Variants in MELTF observed in about 807,000 individuals in gnomAD.
MELTF encodes the protein antigen p97 (melanoma associated) identified by monoclonal antibodies 133.2 and 96.5.
Under a neutral mutation model 83.7 loss-of-function variants are expected in MELTF, and 67 were observed. The observed-to-expected ratio is 0.80, with a 90% confidence interval of 0.66 to 0.98. MELTF has a LOEUF of 0.98. MELTF is among the 50% of genes least tolerant of loss of function. The probability of loss-of-function intolerance (pLI) is 0.00; values close to 1 mark genes in which losing one functional copy is unlikely to be tolerated. For synonymous variants in MELTF, 462 were observed against 447.6 expected (o/e 1.03, Z -0.41); for missense variants, 1,002 against 1,035.6 (o/e 0.97, Z 0.44).
intron 6 of MELTF, among the ~76,000 whole-genome samples, chr3:197,017,747 G>C (rs1034951835): frequency 2.0e-4 from 31 of 152,152 alleles, no homozygotes; most frequent in East Asian, 7.8e-4. Flanking sequence ...CGTGGTGGCG[G>C]GCGCCTGTAA....
Position 197,022,225 on chromosome 3 carries a change from A to G in MELTF, c.644+732T>C, listed in dbSNP as rs1332307469. Among the ~76,000 whole-genome samples the G allele has an allele frequency of 1.3e-5, 2 of 152,132 alleles. No homozygotes were observed. Among genetic ancestry groups the G allele is most frequent in the Non-Finnish European group, 2.9e-5 (2 of 68,022 alleles). On this transcript the variant is annotated intron_variant, in intron 5 of 15. Transcript: ENST00000296350. The surrounding 1 kb of genome is among the most constrained non-coding windows in gnomAD (Gnocchi z 5.1). ...CCCCACGGGCAGAAAATGCACAGGG[A>G]TTAGAGCAGATCGGGGCGGGCGACA...
rs925277932 is a variant in MELTF at position 197,023,321 on chromosome 3, G to A, written c.488-208C>T. On this transcript the variant is annotated intron_variant, in intron 4 of 15. Transcript: ENST00000296350. The stretch of plus-strand genomic sequence containing the variant: ...CAAGGCAGCAGACAGCACTGGGAGC[G>A]ACTGTCATTTAAAAATGGTTCGGGG... Among the ~76,000 whole-genome samples the A allele has an allele frequency of 3.3e-5, 5 of 152,322 alleles. No homozygotes were observed. The East Asian group carries it at 5.8e-4, about 18-fold the overall frequency.
chr3:197,006,557 T>C lies in MELTF; in HGVS notation c.1930A>G (p.Lys644Glu). The change falls in exon 14 of 16, where the codon AAG becomes GAG. Residue 644 changes from lysine to glutamate, a missense_variant. By Grantham distance (56) the Lys-to-Glu change is moderately conservative. Transcript: ENST00000296350. This position sits in a 1 kb window ranked among gnomAD's most constrained non-coding sequence, Gnocchi z 5.4. ...NIFTVYGLLD[K>E]AQDLFGDDHN... The stretch of plus-strand genomic sequence containing the variant: ...GCCCCACCCTGGCTCACCTGGGCCT[T>C]GTCCAGCAGTCCATACACGGTGAAG... The C allele has an allele frequency of 6.2e-7, 1 of 1,612,718 alleles. No homozygotes were observed. The highest frequency in any genetic ancestry group is 8.5e-7 in the Non-Finnish European group (1 of 1,179,338).
At chr3:197,010,835 A>G in intron 9 of MELTF, 41 bp from the exon 10 acceptor site, 1 of 1,588,086 alleles carries the variant, frequency 6.3e-7, no homozygotes, top group Non-Finnish European at 8.6e-7. Flanking sequence ...GGGTGGGCCC[A>G]GGATGGCTCT....
At position 197,021,454 on chromosome 3, in the gene MELTF, G is replaced by C. The variant is rs751363458; in HGVS notation, c.662C>G (p.Ala221Gly). ...SGAFRCLAEGAGDVAFVKHST... is the reference protein window; with the variant it reads ...SGAFRCLAEGGGDVAFVKHST... Reference sequence around the variant, plus strand: ...GTGCTTCACAAAAGCCACGTCCCCTGCCCCTTCCGCCAGGCACCTGCGGAG... The same window carrying C: ...GTGCTTCACAAAAGCCACGTCCCCTCCCCCTTCCGCCAGGCACCTGCGGAG... Residue 221 changes from alanine to glycine, a missense_variant, in exon 6 of 16, where the codon GCA becomes GGA. Ala to Gly is a moderately conservative substitution (Grantham distance 60). Transcript: ENST00000296350. The C allele has an allele frequency of 1.2e-6, 2 of 1,613,958 alleles. No homozygotes were observed. Among genetic ancestry groups the C allele is most frequent in the South Asian group, 2.2e-5 (2 of 91,078 alleles).
At chr3:197,017,635 T>C (rs1290238734) in intron 6 of MELTF, among the ~76,000 whole-genome samples, 1 of 151,940 alleles carries the variant, frequency 6.6e-6, no homozygotes, top group Admixed American at 6.5e-5. Context: ...CCCAGCACTT[T>C]GGGAGGCCGA....
chr3:197,004,474 T>C (rs1718905857), intron 14 of MELTF: 2 of 300,926 alleles, frequency 6.6e-6, no homozygotes, highest in African/African-American at 4.4e-5. Context: ...TCCATAAGGC[T>C]TTCTCACTCT....
Position 197,024,460 on chromosome 3 carries a change from C to T in MELTF, c.330G>A (p.Val110=), listed in dbSNP as rs1352462294. ...CATGGGAGCTCCTCCTGACCACAGC[C>T]ACGGCGTAATAGGAGGTACCGACCT... The part of the protein sequence containing the change: ...DQEVGTSYYA[V]AVVRRSSHVT... The change falls in exon 4 of 16, where the codon GTG becomes GTA. Residue 110 remains valine, a synonymous_variant. Transcript: ENST00000296350. The surrounding 1 kb of genome is among the most constrained non-coding windows in gnomAD (Gnocchi z 5.3). 6.3e-7 allele frequency: 1 copy of T among 1,599,170 alleles called. No individual in the cohort carries two copies.
Position 197,003,895 on chromosome 3 carries a change from T to G in MELTF, c.2137+6A>C. ...CAGGGGAGGCGGCAGGGCGGGCCTG[T>G]CCTACCTGCGCCCGAGCACTGCTGA... On this transcript the variant is annotated splice_donor_region_variant and intron_variant, in intron 15 of 15. Transcript: ENST00000296350. The surrounding 1 kb of genome is among the most constrained non-coding windows in gnomAD (Gnocchi z 6.2). 2 of 1,612,714 alleles carry G rather than the reference T, an allele frequency of 1.2e-6. No individual in the cohort carries two copies. Among genetic ancestry groups the G allele is most frequent in the Non-Finnish European group, 1.7e-6 (2 of 1,179,680 alleles).
At position 197,003,804 on chromosome 3, in the gene MELTF, G is replaced by C. The variant is rs1718871073; in HGVS notation, c.2137+97C>G. ...GACTGCTGCGAACGGGCCTCCACCC[G>C]CCTCCCCGGACCCGCAGCGCCCCCC... On this transcript the variant is annotated intron_variant, in intron 15 of 15. Transcript: ENST00000296350. The surrounding 1 kb of genome is among the most constrained non-coding windows in gnomAD (Gnocchi z 6.2). The C allele has an allele frequency of 2.6e-6, 3 of 1,150,448 alleles. No individual in the cohort carries two copies. Among genetic ancestry groups the C allele is most frequent in the Non-Finnish European group, 3.5e-6 (3 of 857,158 alleles). The allele number at this position is 1,150,448 out of a possible 1,614,324, so 71.3% of individuals were successfully genotyped here.
chr3:197,022,967 C>CGCTGTAGT lies in MELTF; in HGVS notation c.626_633dup (p.Gly212ThrfsTer19). The stretch of plus-strand genomic sequence containing the variant: ...CCCCACTCCGCTCACCGGAAGGCCC[C>CGCTGTAGT]GCTGTAGTCGTAGTATCTCTCCAGG... On this transcript the variant is annotated frameshift_variant, in exon 5 of 16. Coordinates refer to ENST00000296350, the MANE Select transcript of MELTF (RefSeq NM_005929.6). LOFTEE classifies it high-confidence loss of function. This position sits in a 1 kb window ranked among gnomAD's most constrained non-coding sequence, Gnocchi z 5.1. The CGCTGTAGT allele has an allele frequency of 6.2e-7, 1 of 1,609,532 alleles. No individual in the cohort carries two copies. The highest frequency in any genetic ancestry group is 8.5e-7 in the Non-Finnish European group (1 of 1,178,638).
chr3:197,003,556 G>A lies in MELTF; in HGVS notation c.2138-105C>T, dbSNP rs987812227. The A allele has an allele frequency of 1.4e-5, 11 of 800,186 alleles. No homozygotes were observed. Among genetic ancestry groups the A allele is most frequent in the African/African-American group, 9.0e-5 (5 of 55,438 alleles). The allele number at this position is 800,186 out of a possible 1,614,324, so 49.6% of individuals were successfully genotyped here. ...GGGGGCATCTTTCGGGACCGAACTC[G>A]CCGCAGCCTCCCTCTTTGTGCTCCT... On this transcript the variant is annotated intron_variant, in intron 15 of 15. Transcript: ENST00000296350. This position sits in a 1 kb window ranked among gnomAD's most constrained non-coding sequence, Gnocchi z 6.2.
chr3:197,016,355 G>C lies in MELTF; in HGVS notation c.915C>G (p.His305Gln). Residue 305 changes from histidine to glutamine, a missense_variant, in exon 8 of 16, where the codon CAC (histidine) becomes CAG (glutamine). By Grantham distance (24) the His-to-Gln change is conservative. Transcript: ENST00000296350. ...TGAACATCTGGAAGCTGCTGCCCTC[G>C]TGGCTGAACAGACGCTGTGTGTCAA... Reference protein sequence around the residue: ...LLNEGQRLFSHEGSSFQMFSS... With the variant: ...LLNEGQRLFSQEGSSFQMFSS... 6.3e-7 allele frequency: 1 copy of C among 1,594,412 alleles called. No homozygotes were observed.
rs1719881868 is a variant in MELTF at position 197,026,955 on chromosome 3, A to G, written c.205-196T>C. 5.3e-6 allele frequency: 3 copies of G among 567,692 alleles called. No homozygotes were observed. In the East Asian group the frequency reaches 8.5e-5, roughly 16 times the overall value. 35.2% of individuals were successfully genotyped at this position (567,692 alleles called of 1,614,324 possible). A position where few individuals can be genotyped will look rare whatever the true frequency, so the allele number is the denominator to read the frequency against. On this transcript the variant is annotated intron_variant, in intron 2 of 15. Transcript: ENST00000296350. ...GGCCAGGGATTCACCTTGTTTTCCT[A>G]ATAATGTTAAAAAAAAAATACTAAT...
At chr3:197,019,397 G>A (rs1719528764) in intron 6 of MELTF, 1 of 1,314,052 alleles carries the variant, frequency 7.6e-7, no homozygotes, top group African/African-American at 1.5e-5. Flanking sequence ...CAATCTTTCT[G>A]TATAAAGTCA....
In MELTF at chr3:197,007,781, C is replaced by T. The variant is rs73208226; in HGVS notation, c.1750+876G>A. 3.3e-3 allele frequency among the ~76,000 whole-genome samples: 500 copies of T among 152,342 alleles called. 4 individuals carry two copies. Among genetic ancestry groups the T allele is most frequent in the Non-Finnish European group, 4.9e-3 (332 of 68,028 alleles). On this transcript the variant is annotated intron_variant, in intron 13 of 15. Coordinates refer to ENST00000296350, the MANE Select transcript of MELTF (RefSeq NM_005929.6). This position sits in a 1 kb window ranked among gnomAD's most constrained non-coding sequence, Gnocchi z 4.3. Reference sequence around the variant, plus strand: ...AGGAGGCAAGATCCAAGTTTTGAAACACTAACTGAGGTTTTCGTTTTTTTC... The same window carrying T: ...AGGAGGCAAGATCCAAGTTTTGAAATACTAACTGAGGTTTTCGTTTTTTTC...
At position 197,029,720 on chromosome 3, in the gene MELTF, C is replaced by T; in HGVS notation, c.-18G>A. ...CCCCGCATGGCGCCGTCGGGGCTGG[C>T]TGGGGCCGGGCTGGGGCTGGGTCCG... is the stretch of plus-strand genomic sequence containing the variant. On this transcript the variant is annotated 5_prime_UTR_variant, in exon 1 of 16. Transcript: ENST00000296350. This position sits in a 1 kb window ranked among gnomAD's most constrained non-coding sequence, Gnocchi z 6.5. 8.1e-7 allele frequency: 1 copy of T among 1,234,902 alleles called. No homozygotes were observed. Among genetic ancestry groups the T allele is most frequent in the Non-Finnish European group, 1.0e-6 (1 of 989,598 alleles). 76.5% of individuals were successfully genotyped at this position (1,234,902 alleles called of 1,614,324 possible).
In MELTF at chr3:197,022,585, G is replaced by A. The variant is rs4916455; in HGVS notation, c.644+372C>T. On this transcript the variant is annotated intron_variant, in intron 5 of 15. Transcript: ENST00000296350. This position sits in a 1 kb window ranked among gnomAD's most constrained non-coding sequence, Gnocchi z 5.1. ...GGAAGGGTTACCCAAGGTGCCAGCC[G>A]CAACCAGCAGCAGAGACGGGCCGGC... Among the ~76,000 whole-genome samples, 6 of 152,132 alleles carry A rather than the reference G, an allele frequency of 3.9e-5. No homozygotes were observed. The highest frequency in any genetic ancestry group is 3.3e-4 in the Admixed American group (5 of 15,262).
rs748982051 is a variant in MELTF, at chr3:197,008,709, A to G, written c.1698T>C (p.Asn566=). ...GCCTGACGAAGGCAACGTCACCCGC[A>G]TTCTCCACCAGGCACCTGCCACACA... ...YRGAFRCLVE[N]AGDVAFVRHT... Residue 566 remains asparagine, a synonymous_variant, in exon 13 of 16, where the codon AAT becomes AAC. Coordinates refer to ENST00000296350, the MANE Select transcript of MELTF (RefSeq NM_005929.6). The surrounding 1 kb of genome is among the most constrained non-coding windows in gnomAD (Gnocchi z 5.4). 13 of 1,614,064 alleles carry G rather than the reference A, an allele frequency of 8.1e-6. No homozygotes were observed. The highest frequency in any genetic ancestry group is 1.1e-5 in the Non-Finnish European group (13 of 1,179,994).
Sources: allele counts gnomAD v4.1 joint callset (sites outside exome capture counted in the v4.1 genomes callset), GRCh38; gene constraint gnomAD v4.1.1; non-coding constraint Gnocchi (gnomAD v3.1); transcripts MANE v1.5; gene names NCBI Gene and HGNC (gene_info 2026-07-23, HGNC 2026-07-21).